RANBP17: variants seen among roughly 807,000 people sequenced by gnomAD.
RANBP17 encodes the protein ran-binding protein 17.
RANBP17 carries 158 observed loss-of-function variants against 141.2 expected under a neutral mutation model. That is an observed-to-expected ratio of 1.12 (90% CI 0.98 to 1.28). The LOEUF is 1.28. Ranked by LOEUF, RANBP17 falls within the 50% of genes most tolerant of loss-of-function variation. The probability of loss-of-function intolerance (pLI) is 0.00; values close to 1 mark genes in which losing one functional copy is unlikely to be tolerated. For synonymous variants in RANBP17, 430 were observed against 450.0 expected, an observed-to-expected ratio of 0.96 and a Z score of 0.56; for missense variants, 1,438 against 1,290.7, an observed-to-expected ratio of 1.11 and a Z score of -1.75.
At chr5:171,005,475 C>G (rs970642909) in intron 14 of RANBP17, among the ~76,000 whole-genome samples, 30 of 152,058 alleles carry the variant, frequency 2.0e-4, no homozygotes, top group African/African-American at 4.6e-4. Flanking sequence ...ACAAACCTGA[C>G]AAAAACAAGA....
At chr5:171,076,966 A>G (rs907894775) in intron 14 of RANBP17, among the ~76,000 whole-genome samples, 1 of 152,194 alleles carries the variant, frequency 6.6e-6, no homozygotes, top group South Asian at 2.1e-4. Flanking sequence ...GAATTAGAGT[A>G]TTACCATTTT....
At chr5:171,141,621 CAAAAA>C (rs10691735) in intron 14 of RANBP17, among the ~76,000 whole-genome samples, 12 of 55,318 alleles carry the variant, frequency 2.2e-4, no homozygotes, top group Non-Finnish European at 3.3e-4. Context: ...GACTCCATCT[CAAAAA>C]AAAAAAAAAA....
At chr5:171,169,578 C>G (rs1759951217) in intron 14 of RANBP17, among the ~76,000 whole-genome samples, 1 of 152,030 alleles carries the variant, frequency 6.6e-6, no homozygotes, top group African/African-American at 2.4e-5. Flanking sequence ...ATTTCAGTGT[C>G]AACATGAAAA....
At chr5:171,152,072 T>A (rs922696121) in intron 14 of RANBP17, among the ~76,000 whole-genome samples, 1 of 151,634 alleles carries the variant, frequency 6.6e-6, no homozygotes, top group Non-Finnish European at 1.5e-5. Flanking sequence ...TCCATGAAAC[T>A]CAGAATATCG....
At chr5:170,878,818 G>A (rs1243685990) in intron 2 of RANBP17, among the ~76,000 whole-genome samples, 1 of 152,156 alleles carries the variant, frequency 6.6e-6, no homozygotes, top group Non-Finnish European at 1.5e-5. Context: ...AGACTGTGTG[G>A]TCTAGAGCAG....
intron 14 of RANBP17, among the ~76,000 whole-genome samples, chr5:171,144,636 G>A (rs1212315944): frequency 1.3e-5 from 2 of 152,068 alleles, no homozygotes; most frequent in Non-Finnish European, 2.9e-5. Flanking sequence ...TTTGTTAAAG[G>A]TGTTTTGTCC....
intron 15 of RANBP17, 51 bp from the exon 16 acceptor site, chr5:171,171,155 T>G: frequency 1.0e-6 from 1 of 1,002,228 alleles, no homozygotes; most frequent in Non-Finnish European, 1.5e-6. Flanking sequence ...CTGGTTCTCC[T>G]TAGACAAGCA....
chr5:171,297,643 T>G (rs1255475686), intron 27 of RANBP17, among the ~76,000 whole-genome samples: 1 of 151,800 alleles, frequency 6.6e-6, no homozygotes, highest in Non-Finnish European at 1.5e-5. Flanking sequence ...GGGGAAGCCC[T>G]AGGTGTCTCG....
Position 171,256,914 on chromosome 5 carries a change from T to TA in RANBP17, c.2777-8755dup, listed in dbSNP as rs534573800. ...AACTAGTGAGATCAAATCAGTAATTTAAAAAAAAAAAATCCCAGCAAAAAA... is the reference window on the plus strand; with the variant it reads ...AACTAGTGAGATCAAATCAGTAATTTAAAAAAAAAAAAATCCCAGCAAAAAA... On this transcript the variant is annotated intron_variant, in intron 24 of 27. Coordinates refer to ENST00000523189, the MANE Select transcript of RANBP17 (RefSeq NM_022897.5). Among the ~76,000 whole-genome samples, 378 of 146,104 alleles carry TA rather than the reference T, an allele frequency of 2.6e-3. 2 individuals carry two copies. Among genetic ancestry groups the TA allele is most frequent in the African/African-American group, 8.1e-3 (326 of 40,112 alleles).
At chr5:170,995,924 A>T (rs1429052378) in intron 14 of RANBP17, among the ~76,000 whole-genome samples, 5 of 152,100 alleles carry the variant, frequency 3.3e-5, no homozygotes, top group Non-Finnish European at 7.4e-5. Context: ...TACTTGGGGA[A>T]CTGATGCAGG....
intron 14 of RANBP17, among the ~76,000 whole-genome samples, chr5:171,128,054 A>G (rs895768611): frequency 6.6e-6 from 1 of 152,114 alleles, no homozygotes; most frequent in African/African-American, 2.4e-5. Flanking sequence ...GCTACTTGGG[A>G]GGCTGAGGCA....
At chr5:170,878,933 A>G (rs138385489) in intron 2 of RANBP17, among the ~76,000 whole-genome samples, 23 of 152,280 alleles carry the variant, frequency 1.5e-4, no homozygotes, top group African/African-American at 5.5e-4. Flanking sequence ...ATAGAAAGAG[A>G]AAAAACAAAT....
At chr5:170,928,770 CT>C (rs34100963) in intron 12 of RANBP17, among the ~76,000 whole-genome samples, 89,932 of 146,496 alleles carry the variant, frequency 0.61, 28,517 homozygotes, top group South Asian at 0.89. Flanking sequence ...ATTATTTAAC[CT>C]TTTTTTTTTT....
At chr5:171,188,360 G>A (rs1561745901) in intron 18 of RANBP17, among the ~76,000 whole-genome samples, 1 of 152,190 alleles carries the variant, frequency 6.6e-6, no homozygotes, top group Non-Finnish European at 1.5e-5. Context: ...GTGTTGGTGA[G>A]AAGAGGCGCA....
At chr5:171,057,072 C>G (rs975077119) in intron 14 of RANBP17, among the ~76,000 whole-genome samples, 1 of 152,082 alleles carries the variant, frequency 6.6e-6, no homozygotes, top group African/African-American at 2.4e-5. Flanking sequence ...ATCAGTATGA[C>G]CTTAAGGTAA....
At position 170,984,260 on chromosome 5, in the gene RANBP17, TA is replaced by T. The variant is rs369938025; in HGVS notation, c.1710+15885del. On this transcript the variant is annotated intron_variant, in intron 14 of 27. Coordinates refer to ENST00000523189, the MANE Select transcript of RANBP17 (RefSeq NM_022897.5). Reference sequence around the variant, plus strand: ...ATGGTTTCTTTCTGAGGTACATAGATAACCCACCCAGGAGTTTAGTAACATA... The same window carrying T: ...ATGGTTTCTTTCTGAGGTACATAGATACCCACCCAGGAGTTTAGTAACATA... Among the ~76,000 whole-genome samples the T allele has an allele frequency of 1.3e-3, 196 of 152,246 alleles. 1 individual carries two copies. Among genetic ancestry groups the T allele is most frequent in the African/African-American group, 4.6e-3 (191 of 41,550 alleles).
At chr5:171,158,279 T>C (rs751640438) in intron 14 of RANBP17, 14 of 178,084 alleles carry the variant, frequency 7.9e-5, no homozygotes, top group Non-Finnish European at 1.4e-4. Flanking sequence ...TTTGAAGGAG[T>C]CTTGAAATAT....
chr5:170,893,807 GA>G (rs1266059042), intron 4 of RANBP17, among the ~76,000 whole-genome samples: 1 of 148,838 alleles, frequency 6.7e-6, no homozygotes, highest in African/African-American at 2.5e-5. Flanking sequence ...AAAAAAAAAA[GA>G]AAAATCCATG....
At chr5:171,222,527 C>T (rs1763628858) in intron 22 of RANBP17, among the ~76,000 whole-genome samples, 1 of 152,214 alleles carries the variant, frequency 6.6e-6, no homozygotes, top group Non-Finnish European at 1.5e-5. Context: ...GTGCAATGCA[C>T]TTCTCCTTGA....
Sources: gnomAD v4.1 joint callset for allele counts (sites outside exome capture counted in the v4.1 genomes callset) on GRCh38, gnomAD v4.1.1 for gene constraint, MANE v1.5 for transcripts, NCBI Gene and HGNC (gene_info 2026-07-23, HGNC 2026-07-21) for gene names.